PPP2R5E: variants seen among roughly 807,000 people sequenced by gnomAD.
PPP2R5E encodes protein phosphatase 2 regulatory subunit B'epsilon, also known as serine/threonine-protein phosphatase 2A 56 kDa regulatory subunit epsilon isoform.
A neutral mutation model predicts 65.3 loss-of-function variants in PPP2R5E; 4 were observed. The ratio of observed to expected loss-of-function variants is 0.06; its 90% CI spans 0.03 to 0.14. The LOEUF is 0.14. Ranked by LOEUF, PPP2R5E falls within the 10% of genes least tolerant of loss-of-function variation. The pLI is 1.00. For synonymous variants in PPP2R5E, 183 were observed against 187.4 expected (o/e 0.98, Z 0.19); for missense variants, 274 against 556.1 (o/e 0.49, Z 5.10).
chr14:63,378,882 T>C (rs1884145484), intron 13 of PPP2R5E, among the ~76,000 whole-genome samples: 1 of 152,240 alleles, frequency 6.6e-6, no homozygotes. Context: ...AAATTGTCCA[T>C]TCAGTTATTC....
At chr14:63,448,222 C>T (rs907123744) in intron 3 of PPP2R5E, among the ~76,000 whole-genome samples, 6 of 151,794 alleles carry the variant, frequency 4.0e-5, no homozygotes, top group Non-Finnish European at 7.4e-5. Flanking sequence ...GTGTGAACCC[C>T]GGAGGCAGAG....
intron 3 of PPP2R5E, among the ~76,000 whole-genome samples, chr14:63,450,774 CAAA>C (rs111969964): frequency 2.3e-5 from 2 of 88,676 alleles, no homozygotes; most frequent in Non-Finnish European, 2.6e-5. Flanking sequence ...TGTGAAAAGA[CAAA>C]AAAAAAAAAA....
At chr14:63,401,516 G>C (rs1385530798) in intron 5 of PPP2R5E, among the ~76,000 whole-genome samples, 2 of 152,102 alleles carry the variant, frequency 1.3e-5, no homozygotes, top group East Asian at 3.9e-4. Flanking sequence ...CTCACAAATA[G>C]GGTTAAACTA....
At chr14:63,394,223 C>T (rs1885200567) in intron 7 of PPP2R5E, among the ~76,000 whole-genome samples, 1 of 151,914 alleles carries the variant, frequency 6.6e-6, no homozygotes, top group African/African-American at 2.4e-5. Flanking sequence ...GCTGGGATTA[C>T]AGGCACCCAC....
chr14:63,381,954 T>C, intron 13 of PPP2R5E, 102 bp downstream of exon 13: 1 of 842,944 alleles, frequency 1.2e-6, no homozygotes, highest in Non-Finnish European at 1.8e-6. Context: ...AACAAAATTG[T>C]GCTGCTTAAG....
intron 13 of PPP2R5E, 122 bp downstream of exon 13, chr14:63,381,934 C>T: frequency 1.5e-6 from 1 of 682,466 alleles, no homozygotes; most frequent in South Asian, 2.0e-5. Context: ...TTAAGTAATG[C>T]ATGACTGTAA....
intron 2 of PPP2R5E, among the ~76,000 whole-genome samples, chr14:63,483,284 T>A: frequency 6.6e-6 from 1 of 151,816 alleles, no homozygotes; most frequent in African/African-American, 2.4e-5. Context: ...CTCGCAGACA[T>A]AAAGAAGATA....
intron 2 of PPP2R5E, among the ~76,000 whole-genome samples, chr14:63,464,690 C>A (rs1889687048): frequency 6.6e-6 from 1 of 152,168 alleles, no homozygotes. Flanking sequence ...AAGCCACTTA[C>A]TTCTCTGAGC....
At chr14:63,473,383 G>C (rs1233965846) in intron 2 of PPP2R5E, among the ~76,000 whole-genome samples, 2 of 152,128 alleles carry the variant, frequency 1.3e-5, no homozygotes, top group Non-Finnish European at 2.9e-5. Flanking sequence ...AAGAACAGAA[G>C]GTTAAAAATG....
chr14:63,380,053 C>T (rs1424522319), intron 13 of PPP2R5E, among the ~76,000 whole-genome samples: 1 of 151,418 alleles, frequency 6.6e-6, no homozygotes, highest in Non-Finnish European at 1.5e-5. Flanking sequence ...AGGATGGTCT[C>T]GAACTCCTGA....
intron 2 of PPP2R5E, among the ~76,000 whole-genome samples, chr14:63,471,517 T>C (rs558702196): frequency 2.6e-5 from 4 of 152,350 alleles, no homozygotes; most frequent in Admixed American, 6.5e-5. Flanking sequence ...ATATCATGTA[T>C]ACATAATAAT....
rs561725984 is a variant in PPP2R5E at position 63,480,980 on chromosome 14, C to A, written c.158-27095G>T. On this transcript the variant is annotated intron_variant, in intron 2 of 13. Transcript: ENST00000337537. ...GAAAATAGCAACTGGAAAACAAATT[C>A]TTTTGCAAATCTAGTAGTTTATCTG... is the stretch of plus-strand genomic sequence containing the variant. Among the ~76,000 whole-genome samples, 15 of 152,296 alleles carry A rather than the reference C, an allele frequency of 9.8e-5. 1 individual carries two copies. The highest frequency in any genetic ancestry group is 7.8e-4 in the Admixed American group (12 of 15,298).
chr14:63,451,669 A>C (rs1397540723), intron 3 of PPP2R5E: 1 of 152,180 alleles, frequency 6.6e-6, no homozygotes, highest in African/African-American at 2.4e-5. Context: ...TAAACTCAGA[A>C]TGTCCAACAC....
At chr14:63,414,099 A>G (rs1886557575) in intron 5 of PPP2R5E, among the ~76,000 whole-genome samples, 1 of 152,110 alleles carries the variant, frequency 6.6e-6, no homozygotes, top group African/African-American at 2.4e-5. Flanking sequence ...ACCCTGTTGG[A>G]TTGAACCCTA....
At chr14:63,530,017 A>G (rs1893346109) in intron 2 of PPP2R5E, among the ~76,000 whole-genome samples, 1 of 152,154 alleles carries the variant, frequency 6.6e-6, no homozygotes, top group Non-Finnish European at 1.5e-5. Flanking sequence ...GTCTAAGCCA[A>G]AAACTCTTAA....
chr14:63,423,762 C>T (rs1043052767), intron 3 of PPP2R5E, among the ~76,000 whole-genome samples: 8 of 152,328 alleles, frequency 5.3e-5, no homozygotes, highest in Middle Eastern at 6.8e-3. Context: ...GTGCCTATTA[C>T]GTGTACACAC....
At chr14:63,412,144 A>T (rs985673784) in intron 5 of PPP2R5E, among the ~76,000 whole-genome samples, 1 of 152,244 alleles carries the variant, frequency 6.6e-6, no homozygotes. Context: ...ACACTTAGAT[A>T]AAAAAGCCAA....
intron 2 of PPP2R5E, among the ~76,000 whole-genome samples, chr14:63,489,582 G>C (rs894602584): frequency 3.3e-5 from 5 of 151,740 alleles, no homozygotes; most frequent in Admixed American, 6.6e-5. Flanking sequence ...GCCAATTTTT[G>C]TATTTTTTGT....
intron 3 of PPP2R5E, among the ~76,000 whole-genome samples, chr14:63,437,593 G>A (rs1417223437): frequency 2.0e-5 from 3 of 151,998 alleles, no homozygotes; most frequent in African/African-American, 7.2e-5. Context: ...AAAAAAGCCA[G>A]AAATCTCTGA....
Sources: allele counts gnomAD v4.1 joint callset (sites outside exome capture counted in the v4.1 genomes callset), GRCh38; gene constraint gnomAD v4.1.1; transcripts MANE v1.5; gene names NCBI Gene and HGNC (gene_info 2026-07-23, HGNC 2026-07-21).